Variants in HIF3A observed in about 807,000 individuals in gnomAD.
HIF3A encodes hypoxia-inducible factor 3-alpha.
Under a neutral mutation model 67.2 loss-of-function variants are expected in HIF3A, and 41 were observed. The ratio of observed to expected loss-of-function variants is 0.61; its 90% CI spans 0.48 to 0.79. The LOEUF (loss-of-function observed/expected upper bound fraction) is 0.79. Ranked by LOEUF, HIF3A falls within the 30% of genes least tolerant of loss-of-function variation. The pLI, the probability that HIF3A is intolerant of heterozygous loss-of-function variation, is 0.00. For synonymous variants in HIF3A, 356 were observed against 374.8 expected (o/e 0.95, Z 0.58); for missense variants, 855 against 898.0 (o/e 0.95, Z 0.61).
chr19:46,321,822 G>A lies in HIF3A; in HGVS notation c.1191G>A (p.Leu397=). The change falls in exon 10 of 15, where the codon CTG becomes CTA. Residue 397 remains leucine (L), a synonymous_variant. Transcript: ENST00000377670. ...RILAFLHPPS[L]SEAALAADPR... is the part of the protein sequence containing the mutation. Reference sequence around the variant, plus strand: ...TTGCCTTCCTGCACCCGCCTTCCCTGAGCGAGGCTGCCCTGGCCGCTGACC... The same window carrying A: ...TTGCCTTCCTGCACCCGCCTTCCCTAAGCGAGGCTGCCCTGGCCGCTGACC... 6.2e-7 allele frequency: 1 copy of A among 1,613,840 alleles called. No individual in the cohort carries two copies.
intron 9 of HIF3A, among the ~76,000 whole-genome samples, chr19:46,321,571 T>A (rs539151041): frequency 6.6e-6 from 1 of 152,104 alleles, no homozygotes; most frequent in African/African-American, 2.4e-5. Context: ...GCAACAGAGC[T>A]AGACTCCATC....
intron 8 of HIF3A, among the ~76,000 whole-genome samples, chr19:46,316,588 AG>A (rs1969931695): frequency 6.6e-6 from 1 of 152,156 alleles, no homozygotes; most frequent in African/African-American, 2.4e-5. Context: ...AGATGACTTG[AG>A]GTCAGGAGTT....
intron 14 of HIF3A, among the ~76,000 whole-genome samples, chr19:46,335,374 G>T (rs1364395523): frequency 6.6e-6 from 1 of 151,732 alleles, no homozygotes; most frequent in Admixed American, 6.6e-5. Flanking sequence ...GGTTCAAGTG[G>T]TTCTCCTGCC....
intron 13 of HIF3A, among the ~76,000 whole-genome samples, chr19:46,331,854 T>TCAAAAA (rs1971254467): frequency 3.6e-5 from 2 of 55,870 alleles, no homozygotes; most frequent in Non-Finnish European, 6.2e-5. Context: ...AAACTCCGTC[T>TCAAAAA]CAAAAAAAAA....
chr19:46,332,841 G>A (rs1016944131), intron 13 of HIF3A, among the ~76,000 whole-genome samples: 3 of 151,946 alleles, frequency 2.0e-5, no homozygotes, highest in South Asian at 2.1e-4. Context: ...AACGTTAGCC[G>A]GGTGTAGGTG....
At chr19:46,303,270 C>T (rs79525129) in intron 1 of HIF3A, among the ~76,000 whole-genome samples, 19,251 of 152,290 alleles carry the variant, frequency 0.13, 1,514 homozygotes, top group East Asian at 0.22. Context: ...ATGTAGGTAT[C>T]TGAAGTGGAT....
intron 8 of HIF3A, among the ~76,000 whole-genome samples, chr19:46,318,547 T>TTA (rs1601291883): frequency 2.1e-5 from 1 of 47,982 alleles, no homozygotes; most frequent in Non-Finnish European, 3.7e-5. Context: ...AGATCCTGTC[T>TTA]CAAAAAAAAA....
intron 8 of HIF3A, among the ~76,000 whole-genome samples, chr19:46,313,819 G>A (rs889943297): frequency 2.7e-5 from 4 of 150,440 alleles, no homozygotes; most frequent in South Asian, 2.1e-4. Context: ...GCAACAACAC[G>A]CCCAGCTAAT....
intron 7 of HIF3A, 37 bp from the exon 8 acceptor site, chr19:46,312,469 C>T (rs1969525890): frequency 6.2e-7 from 1 of 1,611,520 alleles, no homozygotes; most frequent in Admixed American, 1.7e-5. Context: ...CATTTGCCCC[C>T]TTGGTGGCCC....
At position 46,339,706 on chromosome 19, in the gene HIF3A, G is replaced by T. The variant is rs1568554468; in HGVS notation, c.*84G>T. On this transcript the variant is annotated 3_prime_UTR_variant, in exon 15 of 15. Coordinates refer to ENST00000377670, the MANE Select transcript of HIF3A (RefSeq NM_152795.4). Reference sequence around the variant, plus strand: ...ACGCCGGCAGCCAACGCACAGGATGGGGGCGCCAGGAGAGGGGCCCCTCTC... The same window carrying T: ...ACGCCGGCAGCCAACGCACAGGATGTGGGCGCCAGGAGAGGGGCCCCTCTC... The T allele has an allele frequency of 4.0e-6, 4 of 998,710 alleles. No homozygotes were observed. Among genetic ancestry groups the T allele is most frequent in the Admixed American group, 2.6e-5 (1 of 39,180 alleles). The allele number at this position is 998,710 out of a possible 1,614,324, so 61.9% of individuals were successfully genotyped here.
chr19:46,314,920 T>A (rs957077052), intron 8 of HIF3A, among the ~76,000 whole-genome samples: 5 of 146,948 alleles, frequency 3.4e-5, no homozygotes, highest in Non-Finnish European at 7.5e-5. Flanking sequence ...CACTCCCATG[T>A]CCCTGGCAAC....
At chr19:46,329,682 A>C (rs993447666) in intron 12 of HIF3A, among the ~76,000 whole-genome samples, 16 of 152,052 alleles carry the variant, frequency 1.1e-4, no homozygotes, top group Admixed American at 7.9e-4. Flanking sequence ...AGTGCCCTCC[A>C]CTGCTCTCAC....
intron 11 of HIF3A, 146 bp from the exon 12 acceptor site, chr19:46,329,061 T>A: frequency 1.5e-6 from 1 of 669,874 alleles, no homozygotes; most frequent in Non-Finnish European, 2.4e-6. Flanking sequence ...CTTCAGGGAG[T>A]CCTTATACCC....
chr19:46,303,493 C>T, intron 1 of HIF3A: 1 of 791,446 alleles, frequency 1.3e-6, no homozygotes, highest in East Asian at 2.7e-5. Flanking sequence ...GTAGGCCTCT[C>T]CTTCGTGGGC....
chr19:46,308,483 G>T lies in HIF3A; in HGVS notation c.448+178G>T, dbSNP rs1460202853. On this transcript the variant is annotated intron_variant, in intron 4 of 14. Transcript: ENST00000377670. ...GACCCTGCCCTGGGGGGGTCTGAGG[G>T]GACACAGCCCTGCCCTGGGGGGTCC... The T allele has an allele frequency of 1.9e-5, 12 of 629,938 alleles. No individual in the cohort carries two copies. In the East Asian group the frequency reaches 3.3e-4, roughly 17 times the overall value. 39.0% of individuals were successfully genotyped at this position (629,938 alleles called of 1,614,324 possible). A position where few individuals can be genotyped will look rare whatever the true frequency, so the allele number is the denominator to read the frequency against.
chr19:46,302,080 A>G (rs1482435908), intron 1 of HIF3A, among the ~76,000 whole-genome samples: 2 of 151,922 alleles, frequency 1.3e-5, no homozygotes, highest in African/African-American at 4.8e-5. Flanking sequence ...TCATATAATA[A>G]TTTTTTATTT....
At chr19:46,302,181 G>C (rs1968396897) in intron 1 of HIF3A, among the ~76,000 whole-genome samples, 1 of 152,072 alleles carries the variant, frequency 6.6e-6, no homozygotes, top group Non-Finnish European at 1.5e-5. Context: ...CCAGGCTGGA[G>C]TATAGTGGCG....
intron 10 of HIF3A, among the ~76,000 whole-genome samples, chr19:46,323,096 G>A (rs1199483633): frequency 2.0e-5 from 3 of 151,412 alleles, no homozygotes; most frequent in Non-Finnish European, 2.9e-5. Flanking sequence ...TATCGCCCAG[G>A]CTGGAGTGCA....
intron 8 of HIF3A, among the ~76,000 whole-genome samples, chr19:46,315,607 T>C (rs1434979131): frequency 6.6e-6 from 1 of 152,154 alleles, no homozygotes; most frequent in African/African-American, 2.4e-5. Flanking sequence ...ATAGTAACTG[T>C]ATATTTAATC....
Sources: allele counts gnomAD v4.1 joint callset (sites outside exome capture counted in the v4.1 genomes callset), GRCh38; gene constraint gnomAD v4.1.1; transcripts MANE v1.5; gene names NCBI Gene and HGNC (gene_info 2026-07-23, HGNC 2026-07-21).